Variants in NXPH4 observed in about 807,000 individuals in gnomAD.
The protein encoded by NXPH4 is neurexophilin 4.
Under a neutral mutation model 21.3 loss-of-function variants are expected in NXPH4, and 8 were observed. The ratio of observed to expected loss-of-function variants is 0.38; its 90% CI spans 0.22 to 0.68. The LOEUF (loss-of-function observed/expected upper bound fraction) is 0.68, where lower values mean the gene tolerates loss of function less well. Ranked by LOEUF, NXPH4 falls within the 30% of genes least tolerant of loss-of-function variation. The pLI, the probability that NXPH4 is intolerant of heterozygous loss-of-function variation, is 0.53. For synonymous variants in NXPH4, 219 were observed against 192.6 expected (o/e 1.14, Z -1.13); for missense variants, 418 against 416.8 (o/e 1.00, Z -0.03).
rs2037145354 is a variant in NXPH4, at chr12:57,226,062, G to A, written c.*315G>A. On this transcript the variant is annotated 3_prime_UTR_variant, in exon 2 of 2. Coordinates refer to ENST00000349394, the MANE Select transcript of NXPH4 (RefSeq NM_007224.4). ...ACAGTGGGTCCCCTTTTCACCCTTG[G>A]CGCTAGGCTGCGCACTCCCTTTCCC... The A allele has an allele frequency of 1.6e-6, 1 of 634,314 alleles. No homozygotes were observed. Among genetic ancestry groups the A allele is most frequent in the Non-Finnish European group, 2.5e-6 (1 of 403,930 alleles). 39.3% of individuals were successfully genotyped at this position (634,314 alleles called of 1,614,324 possible). A position where few individuals can be genotyped will look rare whatever the true frequency, so the allele number is the denominator to read the frequency against.
At chr12:57,217,515 C>G (rs577794842) in intron 1 of NXPH4, among the ~76,000 whole-genome samples, 2 of 152,348 alleles carry the variant, frequency 1.3e-5, no homozygotes, top group South Asian at 4.1e-4. Context: ...CACGCACACA[C>G]GGACTCAGGC....
intron 1 of NXPH4, among the ~76,000 whole-genome samples, chr12:57,217,469 G>C (rs1424133165): frequency 6.6e-6 from 1 of 152,200 alleles, no homozygotes; most frequent in Non-Finnish European, 1.5e-5. Flanking sequence ...CATGCCAGGT[G>C]GGCTCTGTGT....
intron 1 of NXPH4, among the ~76,000 whole-genome samples, chr12:57,219,524 G>A (rs1231672892): frequency 2.0e-5 from 3 of 152,182 alleles, no homozygotes; most frequent in South Asian, 2.1e-4. Flanking sequence ...GCTCTATCCC[G>A]CCTCAGGAAA....
At chr12:57,220,618 T>C (rs2037082517) in intron 1 of NXPH4, among the ~76,000 whole-genome samples, 1 of 151,940 alleles carries the variant, frequency 6.6e-6, no homozygotes, top group South Asian at 2.1e-4. Flanking sequence ...CCTCATGCAG[T>C]GGTAGGGTCT....
chr12:57,219,642 C>T (rs7311958), intron 1 of NXPH4, among the ~76,000 whole-genome samples: 81,362 of 152,046 alleles, frequency 0.54, 23,794 homozygotes, highest in South Asian at 0.75. Context: ...CTGCCTGGGC[C>T]ACTTAGGCAC....
intron 1 of NXPH4, chr12:57,221,324 C>T (rs1299298452): frequency 4.4e-6 from 2 of 455,952 alleles, no homozygotes; most frequent in Non-Finnish European, 8.8e-6. Flanking sequence ...CTGGACTGTC[C>T]CTTCCTCCGG....
chr12:57,223,086 C>A (rs1264296052), intron 1 of NXPH4, among the ~76,000 whole-genome samples: 1 of 152,184 alleles, frequency 6.6e-6, no homozygotes, highest in African/African-American at 2.4e-5. Flanking sequence ...GTGTAGGACA[C>A]CTCCCCAGAG....
rs749990457 is a variant in NXPH4, at chr12:57,225,446, G to C, written c.626G>C (p.Gly209Ala). 4.4e-6 allele frequency: 7 copies of C among 1,603,644 alleles called. No homozygotes were observed. In the East Asian group the frequency reaches 1.6e-4, roughly 36 times the overall value. The change falls in exon 2 of 2, where the codon GGG (glycine) becomes GCG (alanine). Residue 209 changes from glycine to alanine, a missense_variant. Physicochemically the swap from Gly to Ala is moderately conservative, Grantham distance 60. Coordinates refer to ENST00000349394, the MANE Select transcript of NXPH4 (RefSeq NM_007224.4). Reference sequence around the variant, plus strand: ...GGGCCCGGGCTTGGGGGCTCCCTCGGGGGCGCACTGGCGGGGCCGCTTGGG... The same window carrying C: ...GGGCCCGGGCTTGGGGGCTCCCTCGCGGGCGCACTGGCGGGGCCGCTTGGG... ...AAGPGLGGSL[G>A]GALAGPLGGA...
chr12:57,217,391 C>T (rs967068646), intron 1 of NXPH4, among the ~76,000 whole-genome samples: 10 of 152,256 alleles, frequency 6.6e-5, no homozygotes, highest in African/African-American at 2.4e-4. Context: ...GCTCGCCTGC[C>T]TCACTGTCTG....
chr12:57,223,023 G>A (rs1003156326), intron 1 of NXPH4, among the ~76,000 whole-genome samples: 3 of 152,122 alleles, frequency 2.0e-5, no homozygotes, highest in Non-Finnish European at 2.9e-5. Flanking sequence ...AACAGAGGGG[G>A]GCACCCATGC....
Position 57,222,252 on chromosome 12 carries a change from T to G in NXPH4, c.58-2626T>G, listed in dbSNP as rs149103307. Among the ~76,000 whole-genome samples the G allele has an allele frequency of 3.5e-3, 537 of 152,174 alleles. 14 individuals are homozygous for G. In the East Asian group the frequency reaches 0.066, roughly 19 times the overall value. On this transcript the variant is annotated intron_variant, in intron 1 of 1. Transcript: ENST00000349394. ...GGCGGGACTGCCCAAAGCCAGGGGATTCGCCAGGATCAGAGAAGCACAGAC... is the reference window on the plus strand; with the variant it reads ...GGCGGGACTGCCCAAAGCCAGGGGAGTCGCCAGGATCAGAGAAGCACAGAC...
Position 57,225,322 on chromosome 12 carries a change from C to T in NXPH4, c.502C>T (p.Leu168=). The T allele has an allele frequency of 6.4e-7, 1 of 1,557,504 alleles. No homozygotes were observed. The highest frequency in any genetic ancestry group is 1.2e-5 in the South Asian group (1 of 82,460). The change falls in exon 2 of 2, where the codon CTG becomes TTG. Residue 168 remains leucine, a synonymous_variant. Coordinates refer to ENST00000349394, the MANE Select transcript of NXPH4 (RefSeq NM_007224.4). ...SKRVEFGGVW[L]PGPVPHPLQS... is the part of the protein sequence containing the mutation. The stretch of plus-strand genomic sequence containing the variant: ...GCGTGTCGAGTTCGGAGGAGTCTGG[C>T]TGCCCGGGCCTGTCCCCCACCCTCT...
At position 57,225,368 on chromosome 12, in the gene NXPH4, AG is replaced by A. The variant is rs970261845; in HGVS notation, c.553del (p.Val185CysfsTer191). 2.5e-6 allele frequency: 4 copies of A among 1,588,654 alleles called. No homozygotes were observed. The highest frequency in any genetic ancestry group is 2.6e-6 in the Non-Finnish European group (3 of 1,171,036). On this transcript the variant is annotated frameshift_variant, in exon 2 of 2. Coordinates refer to ENST00000349394, the MANE Select transcript of NXPH4 (RefSeq NM_007224.4). LOFTEE classifies it high-confidence loss of function. ...PHPLQSTLAL[E>X]GVLPGLGPPL... ...CCTCTGCAGTCTACGCTCGCCCTGG[AG>A]GGGGTGCTTCCTGGGCTGGGGCCCC...
At position 57,216,912 on chromosome 12, in the gene NXPH4, G is replaced by A; in HGVS notation, c.-58G>A. 7.1e-7 allele frequency: 1 copy of A among 1,417,836 alleles called. No homozygotes were observed. The highest frequency in any genetic ancestry group is 9.4e-7 in the Non-Finnish European group (1 of 1,063,918). The allele number at this position is 1,417,836 out of a possible 1,614,324, so 87.8% of individuals were successfully genotyped here. On this transcript the variant is annotated 5_prime_UTR_variant, in exon 1 of 2. Transcript: ENST00000349394. The surrounding 1 kb of genome is among the most constrained non-coding windows in gnomAD (Gnocchi z 5.3). Reference sequence around the variant, plus strand: ...CCCGCCCGGAGCCCCGCGTCCCTAGGCCTGGCTCCCGCCTGCCCGAGACCC... The same window carrying A: ...CCCGCCCGGAGCCCCGCGTCCCTAGACCTGGCTCCCGCCTGCCCGAGACCC...
chr12:57,218,498 C>T (rs1346378255), intron 1 of NXPH4, among the ~76,000 whole-genome samples: 1 of 151,820 alleles, frequency 6.6e-6, no homozygotes, highest in Non-Finnish European at 1.5e-5. Context: ...ATTCTCTTGC[C>T]CCTCCTTTCC....
chr12:57,225,567 C>T lies in NXPH4; in HGVS notation c.747C>T (p.Cys249=). ...KTNRARKHRP[C]LYDPSQVCFT... is the part of the protein sequence containing the mutation. ...ACCGCGCGCGCAAGCACCGACCGTG[C>T]CTGTACGACCCGTCGCAGGTGTGCT... is the stretch of plus-strand genomic sequence containing the variant. The change falls in exon 2 of 2, where the codon TGC becomes TGT. Residue 249 remains cysteine (C), a synonymous_variant. Coordinates refer to ENST00000349394, the MANE Select transcript of NXPH4 (RefSeq NM_007224.4). 6 of 1,613,422 alleles carry T rather than the reference C, an allele frequency of 3.7e-6. No individual in the cohort carries two copies. Among genetic ancestry groups the T allele is most frequent in the Non-Finnish European group, 5.1e-6 (6 of 1,180,008 alleles).
At chr12:57,220,310 C>T (rs1043567192) in intron 1 of NXPH4, among the ~76,000 whole-genome samples, 2 of 152,178 alleles carry the variant, frequency 1.3e-5, no homozygotes, top group Admixed American at 6.5e-5. Context: ...ATTACATCCC[C>T]GCTCCGCGGC....
chr12:57,225,337 C>G lies in NXPH4; in HGVS notation c.517C>G (p.Pro173Ala). 6.4e-7 allele frequency: 1 copy of G among 1,572,040 alleles called. No individual in the cohort carries two copies. The highest frequency in any genetic ancestry group is 8.6e-7 in the Non-Finnish European group (1 of 1,161,676). The change falls in exon 2 of 2, where the codon CCC becomes GCC. Residue 173 changes from proline (P) to alanine (A), a missense_variant. Physicochemically the swap from Pro to Ala is conservative, Grantham distance 27 (BLOSUM62 -1). Transcript: ENST00000349394. ...FGGVWLPGPV[P>A]HPLQSTLALE... Reference sequence around the variant, plus strand: ...AGGAGTCTGGCTGCCCGGGCCTGTCCCCCACCCTCTGCAGTCTACGCTCGC... The same window carrying G: ...AGGAGTCTGGCTGCCCGGGCCTGTCGCCCACCCTCTGCAGTCTACGCTCGC...
chr12:57,217,369 C>T (rs1195319529), intron 1 of NXPH4, among the ~76,000 whole-genome samples: 1 of 152,240 alleles, frequency 6.6e-6, no homozygotes, highest in African/African-American at 2.4e-5. Flanking sequence ...GCCGTCTTTC[C>T]GCGCCAGTCT....
Sources: allele counts gnomAD v4.1 joint callset (sites outside exome capture counted in the v4.1 genomes callset), GRCh38; gene constraint gnomAD v4.1.1; non-coding constraint Gnocchi (gnomAD v3.1); transcripts MANE v1.5; gene names NCBI Gene and HGNC (gene_info 2026-07-23, HGNC 2026-07-21).